Variants in CTNNA3 observed in about 807,000 individuals in gnomAD.
CTNNA3 encodes the protein catenin alpha 3, also known as catenin alpha-3.
Under a neutral mutation model 95.7 loss-of-function variants are expected in CTNNA3, and 76 were observed. The observed-to-expected ratio is 0.79, with a 90% confidence interval of 0.66 to 0.96. CTNNA3 has a LOEUF of 0.96. Ranked by LOEUF, CTNNA3 falls within the 40% of genes least tolerant of loss-of-function variation. The pLI is 0.00. For synonymous variants in CTNNA3, 431 were observed against 374.4 expected, an observed-to-expected ratio of 1.15 and a Z score of -1.74; for missense variants, 1,191 against 1,089.8, an observed-to-expected ratio of 1.09 and a Z score of -1.31.
intron 15 of CTNNA3, among the ~76,000 whole-genome samples, chr10:66,040,007 C>A (rs2079652035): frequency 6.6e-6 from 1 of 152,116 alleles, no homozygotes. Context: ...CTACAAGGAA[C>A]TTAAGCAAAT....
At chr10:67,414,131 A>T (rs1241107249) in intron 5 of CTNNA3, among the ~76,000 whole-genome samples, 1 of 152,102 alleles carries the variant, frequency 6.6e-6, no homozygotes, top group African/African-American at 2.4e-5. Context: ...CATACAAAAG[A>T]CCAATGAAAC....
chr10:67,598,622 C>G (rs989705091), intron 3 of CTNNA3, among the ~76,000 whole-genome samples: 1 of 151,916 alleles, frequency 6.6e-6, no homozygotes, highest in Admixed American at 6.6e-5. Context: ...CTGACAAGGA[C>G]AGAAAGAAAA....
chr10:67,685,619 C>A (rs190158786), intron 1 of CTNNA3, among the ~76,000 whole-genome samples: 1 of 152,292 alleles, frequency 6.6e-6, no homozygotes, highest in Non-Finnish European at 1.5e-5. Flanking sequence ...TCGGGCTACA[C>A]CCTTGTTTAC....
chr10:66,894,921 A>C (rs1845416099), intron 7 of CTNNA3, among the ~76,000 whole-genome samples: 1 of 151,730 alleles, frequency 6.6e-6, no homozygotes, highest in South Asian at 2.1e-4. Flanking sequence ...TAGGCGTTTC[A>C]TTTGCAAGAA....
At chr10:66,074,055 A>T (rs1472683710) in intron 14 of CTNNA3, among the ~76,000 whole-genome samples, 1 of 152,010 alleles carries the variant, frequency 6.6e-6, no homozygotes, top group Non-Finnish European at 1.5e-5. Flanking sequence ...CTAAAACTGT[A>T]GATTTGCCCA....
intron 5 of CTNNA3, among the ~76,000 whole-genome samples, chr10:67,317,880 A>C (rs1841126787): frequency 2.0e-5 from 3 of 147,968 alleles, no homozygotes; most frequent in African/African-American, 4.9e-5. Flanking sequence ...GCTTTAGTTT[A>C]TTTTTATAGC....
rs1253610343 is a variant in CTNNA3 at position 67,691,908 on chromosome 10, C to T, written c.-6+4092G>A. Among the ~76,000 whole-genome samples the T allele has an allele frequency of 3.3e-5, 5 of 149,484 alleles. No individual in the cohort carries two copies. The South Asian group carries it at 6.4e-4, about 19-fold the overall frequency. On this transcript the variant is annotated intron_variant, in intron 1 of 17. Coordinates refer to ENST00000433211, the MANE Select transcript of CTNNA3 (RefSeq NM_013266.4). ...GAGGTGGGGGGGTCAGCCCCCCGCCCGGCCAGCCACCCCGTCCGGGAGGGA... is the reference window on the plus strand; with the variant it reads ...GAGGTGGGGGGGTCAGCCCCCCGCCTGGCCAGCCACCCCGTCCGGGAGGGA...
chr10:66,341,401 C>T (rs2092451555), intron 12 of CTNNA3, among the ~76,000 whole-genome samples: 1 of 151,848 alleles, frequency 6.6e-6, no homozygotes, highest in African/African-American at 2.4e-5. Context: ...GCTACTTTGA[C>T]TAAGCTCATT....
chr10:67,444,914 C>T (rs1846681638), intron 5 of CTNNA3, among the ~76,000 whole-genome samples: 1 of 152,014 alleles, frequency 6.6e-6, no homozygotes, highest in African/African-American at 2.4e-5. Flanking sequence ...AAGTGTCATC[C>T]AGCAAACAAA....
chr10:67,208,705 T>C (rs1325277974), intron 6 of CTNNA3, among the ~76,000 whole-genome samples: 3 of 152,154 alleles, frequency 2.0e-5, no homozygotes, highest in Non-Finnish European at 2.9e-5. Context: ...ATTGCAGTTA[T>C]CACTGGCAAT....
chr10:67,752,012 C>T (rs3125314), intron 1 of CTNNA3, among the ~76,000 whole-genome samples: 151,817 of 152,198 alleles, frequency 1, 75,720 homozygotes, highest in East Asian at 1. Context: ...CTGGCACAGA[C>T]ACAACAAAAA....
At chr10:67,321,206 C>A (rs192762818) in intron 5 of CTNNA3, among the ~76,000 whole-genome samples, 1 of 152,326 alleles carries the variant, frequency 6.6e-6, no homozygotes, top group East Asian at 1.9e-4. Context: ...ATTCAATCAC[C>A]AATCCCCATG....
chr10:67,197,037 C>T (rs1459312492), intron 6 of CTNNA3, among the ~76,000 whole-genome samples: 2 of 152,044 alleles, frequency 1.3e-5, no homozygotes, highest in African/African-American at 2.4e-5. Flanking sequence ...GATTTTTATA[C>T]ACAATAAGAT....
At chr10:66,358,396 C>T (rs2092627835) in intron 12 of CTNNA3, among the ~76,000 whole-genome samples, 1 of 152,106 alleles carries the variant, frequency 6.6e-6, no homozygotes, top group Non-Finnish European at 1.5e-5. Flanking sequence ...ATGGGGTTAT[C>T]CTTCAAACTC....
rs1866266517 is a variant in CTNNA3 at position 67,254,778 on chromosome 10, T to C, written c.580-34908A>G. Among the ~76,000 whole-genome samples, 7 of 152,198 alleles carry C rather than the reference T, an allele frequency of 4.6e-5. No homozygotes were observed. The South Asian group carries it at 1.4e-3, about 31-fold the overall frequency. The stretch of plus-strand genomic sequence containing the variant: ...TAACATGCTGTACAGGTTTGTAGCC[T>C]AGTAGCAACAGGCTGTATCATGTAA... On this transcript the variant is annotated intron_variant, in intron 5 of 17. Coordinates refer to ENST00000433211, the MANE Select transcript of CTNNA3 (RefSeq NM_013266.4).
chr10:66,611,606 C>G (rs1844332521), intron 10 of CTNNA3, among the ~76,000 whole-genome samples: 1 of 152,124 alleles, frequency 6.6e-6, no homozygotes, highest in Non-Finnish European at 1.5e-5. Flanking sequence ...CCTCATTTCT[C>G]ACAATGCTGC....
intron 15 of CTNNA3, among the ~76,000 whole-genome samples, chr10:66,042,541 T>A (rs2079716829): frequency 6.6e-6 from 1 of 151,984 alleles, no homozygotes; most frequent in Non-Finnish European, 1.5e-5. Context: ...TGATGAGATT[T>A]AGATAAAGAG....
chr10:66,635,611 G>C (rs1845307128), intron 9 of CTNNA3, among the ~76,000 whole-genome samples: 1 of 152,076 alleles, frequency 6.6e-6, no homozygotes, highest in African/African-American at 2.4e-5. Context: ...TGCTATCATG[G>C]GAACAGAAGG....
chr10:65,915,677 T>A lies in CTNNA3; in HGVS notation c.*4653A>T, dbSNP rs764997736. On this transcript the variant is annotated 3_prime_UTR_variant, in exon 18 of 18. Coordinates refer to ENST00000433211, the MANE Select transcript of CTNNA3 (RefSeq NM_013266.4). ...CATCTCTTGCCTGCGGATGGGATTCTGGTCAGGTTGAGTTCCATTTGGAGA... is the reference window on the plus strand; with the variant it reads ...CATCTCTTGCCTGCGGATGGGATTCAGGTCAGGTTGAGTTCCATTTGGAGA... The A allele has an allele frequency of 6.6e-6, 1 of 152,176 alleles. No homozygotes were observed. The highest frequency in any genetic ancestry group is 1.5e-5 in the Non-Finnish European group (1 of 68,018). 9.4% of individuals were successfully genotyped at this position (152,176 alleles called of 1,614,324 possible).
Sources: allele counts gnomAD v4.1 joint callset (sites outside exome capture counted in the v4.1 genomes callset), GRCh38; gene constraint gnomAD v4.1.1; transcripts MANE v1.5; gene names NCBI Gene and HGNC (gene_info 2026-07-23, HGNC 2026-07-21).